ADAMTS19: variants seen among roughly 807,000 people sequenced by gnomAD.
ADAMTS19 encodes the protein A disintegrin and metalloproteinase with thrombospondin motifs 19.
ADAMTS19 carries 93 observed loss-of-function variants against 153.3 expected under a neutral mutation model. The ratio of observed to expected loss-of-function variants is 0.61; its 90% confidence interval spans 0.51 to 0.72. The LOEUF is 0.72. ADAMTS19 is among the 30% of genes least tolerant of loss of function. The probability of loss-of-function intolerance (pLI) is 0.00; values close to 1 mark genes in which losing one functional copy is unlikely to be tolerated. For synonymous variants in ADAMTS19, 600 were observed against 556.6 expected (o/e 1.08, Z -1.10); for missense variants, 1,482 against 1,552.1 (o/e 0.95, Z 0.76).
intron 10 of ADAMTS19, among the ~76,000 whole-genome samples, chr5:129,635,971 A>G (rs1270434421): frequency 6.6e-6 from 1 of 152,072 alleles, no homozygotes; most frequent in African/African-American, 2.4e-5. Flanking sequence ...ATCTCACCTT[A>G]CTGCAACCTC....
intron 16 of ADAMTS19, among the ~76,000 whole-genome samples, chr5:129,670,762 A>G (rs1292272423): frequency 6.6e-6 from 1 of 152,180 alleles, no homozygotes; most frequent in Non-Finnish European, 1.5e-5. Context: ...TCAGAAGGGT[A>G]TAAATCATGA....
intron 6 of ADAMTS19, among the ~76,000 whole-genome samples, chr5:129,529,665 C>G (rs546463968): frequency 1.3e-5 from 2 of 152,080 alleles, no homozygotes; most frequent in African/African-American, 4.8e-5. Flanking sequence ...TCTTAACTAG[C>G]GTAGCAAGCT....
At chr5:129,579,124 G>A (rs1749365033) in intron 7 of ADAMTS19, among the ~76,000 whole-genome samples, 1 of 152,092 alleles carries the variant, frequency 6.6e-6, no homozygotes, top group Non-Finnish European at 1.5e-5. Context: ...ACTTCTTAAT[G>A]ATCGCCATTC....
intron 13 of ADAMTS19, among the ~76,000 whole-genome samples, chr5:129,652,828 A>G (rs1753375712): frequency 6.6e-6 from 1 of 152,204 alleles, no homozygotes; most frequent in Admixed American, 6.5e-5. Context: ...CATTATATAT[A>G]CCACTTTTAA....
At chr5:129,549,744 A>G (rs1477892495) in intron 6 of ADAMTS19, among the ~76,000 whole-genome samples, 1 of 150,844 alleles carries the variant, frequency 6.6e-6, no homozygotes. Context: ...AAAAAATTAA[A>G]TATACATTTC....
chr5:129,703,493 G>A (rs572776928), intron 20 of ADAMTS19, among the ~76,000 whole-genome samples: 11 of 152,224 alleles, frequency 7.2e-5, no homozygotes, highest in Middle Eastern at 3.4e-3. Context: ...AACACTTTGG[G>A]AGGCCAAGGT....
At chr5:129,481,356 C>A (rs79600097) in intron 2 of ADAMTS19, among the ~76,000 whole-genome samples, 1 of 152,000 alleles carries the variant, frequency 6.6e-6, no homozygotes, top group Admixed American at 6.6e-5. Flanking sequence ...GAAACCACCC[C>A]CCATGATCTA....
chr5:129,527,822 T>C lies in ADAMTS19; in HGVS notation c.1161T>C (p.His387=). The C allele has an allele frequency of 1.9e-6, 3 of 1,586,490 alleles. No homozygotes were observed. The highest frequency in any genetic ancestry group is 2.6e-6 in the Non-Finnish European group (3 of 1,160,784). The change falls in exon 5 of 23, where the codon CAT becomes CAC. Residue 387 remains histidine (H), a synonymous_variant. Transcript: ENST00000274487. ...GTGTGATAAAGCTTATTCTGCTCCATGAAACTCCAGTAAGAAAGTCTTGAG... is the reference window on the plus strand; with the variant it reads ...GTGTGATAAAGCTTATTCTGCTCCACGAAACTCCAGTAAGAAAGTCTTGAG... The part of the protein sequence containing the change: ...NLRVIKLILL[H]ETPPELYIGH...
intron 2 of ADAMTS19, among the ~76,000 whole-genome samples, chr5:129,490,606 C>T (rs373857162): frequency 1.3e-5 from 2 of 152,070 alleles, no homozygotes; most frequent in Non-Finnish European, 2.9e-5. Context: ...CATCTACTAT[C>T]CTGCTTGTGA....
chr5:129,510,856 G>GATATATATATATATATATAT (rs60233609), intron 3 of ADAMTS19, among the ~76,000 whole-genome samples: 3 of 141,148 alleles, frequency 2.1e-5, no homozygotes, highest in East Asian at 4.2e-4. Context: ...AAGTTTCTGA[G>GATATATATATATATATATAT]ATATATATAT....
chr5:129,598,776 GTTGTCCCTCGGTA>G (rs1273096328), intron 8 of ADAMTS19, among the ~76,000 whole-genome samples: 1 of 152,144 alleles, frequency 6.6e-6, no homozygotes, highest in Non-Finnish European at 1.5e-5. Flanking sequence ...TAGATATGCA[GTTGTCCCTCGGTA>G]TTTGCCAGGG....
At chr5:129,546,362 T>C (rs1426821085) in intron 6 of ADAMTS19, among the ~76,000 whole-genome samples, 1 of 150,344 alleles carries the variant, frequency 6.7e-6, no homozygotes, top group African/African-American at 2.5e-5. Flanking sequence ...AATGTGCACA[T>C]GTACCCTAAA....
rs552618529 is a variant in ADAMTS19, at chr5:129,620,604, A to C, written c.1479-14A>C. 6.5e-7 allele frequency: 1 copy of C among 1,532,890 alleles called. No homozygotes were observed. The highest frequency in any genetic ancestry group is 8.8e-7 in the Non-Finnish European group (1 of 1,140,646). 95.0% of individuals were successfully genotyped at this position (1,532,890 alleles called of 1,614,324 possible). On this transcript the variant is annotated splice_polypyrimidine_tract_variant and intron_variant, in intron 8 of 22. Transcript: ENST00000274487. ...TTAGTGTAAATTTTAAAATTTTATTATATTCCAAATCAGCATGGGCATTAA... is the reference window on the plus strand; with the variant it reads ...TTAGTGTAAATTTTAAAATTTTATTCTATTCCAAATCAGCATGGGCATTAA...
chr5:129,599,812 C>A (rs1750561064), intron 8 of ADAMTS19, among the ~76,000 whole-genome samples: 1 of 151,850 alleles, frequency 6.6e-6, no homozygotes. Context: ...AGAGCTGTAC[C>A]CAAAATCAAT....
At chr5:129,651,478 T>C (rs769934854) in intron 13 of ADAMTS19, among the ~76,000 whole-genome samples, 1 of 152,198 alleles carries the variant, frequency 6.6e-6, no homozygotes, top group East Asian at 1.9e-4. Flanking sequence ...TTCTCTTTTA[T>C]AGAATCCTAT....
chr5:129,733,808 T>G (rs900409363), intron 21 of ADAMTS19, among the ~76,000 whole-genome samples: 8 of 152,040 alleles, frequency 5.3e-5, no homozygotes, highest in African/African-American at 1.9e-4. Context: ...CTATTGGGTA[T>G]CTATCCAAAG....
At chr5:129,568,132 G>A (rs1753777233) in intron 7 of ADAMTS19, among the ~76,000 whole-genome samples, 1 of 152,146 alleles carries the variant, frequency 6.6e-6, no homozygotes, top group Non-Finnish European at 1.5e-5. Flanking sequence ...TAAGAGAATT[G>A]CCAAAGGAAG....
At chr5:129,526,841 T>C (rs1160058420) in intron 4 of ADAMTS19, among the ~76,000 whole-genome samples, 1 of 151,836 alleles carries the variant, frequency 6.6e-6, no homozygotes, top group Non-Finnish European at 1.5e-5. Flanking sequence ...TAGATGTATA[T>C]ATTTATGGGG....
At chr5:129,622,144 A>G in intron 9 of ADAMTS19, 54 bp from the exon 10 acceptor site, 1 of 1,586,190 alleles carries the variant, frequency 6.3e-7, no homozygotes, top group Non-Finnish European at 8.7e-7. Flanking sequence ...CTAACCAATC[A>G]TATCAGCTTT....
Sources: gnomAD v4.1 joint callset for allele counts (sites outside exome capture counted in the v4.1 genomes callset) on GRCh38, gnomAD v4.1.1 for gene constraint, MANE v1.5 for transcripts, NCBI Gene and HGNC (gene_info 2026-07-23, HGNC 2026-07-21) for gene names.